EPM2A: variants seen among roughly 807,000 people sequenced by gnomAD.
EPM2A encodes EPM2A glucan phosphatase, laforin, also known as laforin.
A neutral mutation model predicts 26.5 loss-of-function variants in EPM2A; 21 were observed. The ratio of observed to expected loss-of-function variants is 0.79; its 90% CI spans 0.56 to 1.14. The LOEUF is 1.14. Ranked by LOEUF, EPM2A falls within the 50% of genes most tolerant of loss-of-function variation. The probability of loss-of-function intolerance (pLI) is 0.00; values close to 1 mark genes in which losing one functional copy is unlikely to be tolerated. For synonymous variants in EPM2A, 217 were observed against 177.6 expected, an observed-to-expected ratio of 1.22 and a Z score of -1.76; for missense variants, 458 against 440.8, an observed-to-expected ratio of 1.04 and a Z score of -0.35.
chr6:145,514,115 T>A (rs1351765118), intron 2 of EPM2A, among the ~76,000 whole-genome samples: 6 of 152,262 alleles, frequency 3.9e-5, no homozygotes, highest in Admixed American at 1.3e-4. Flanking sequence ...TCTTCCAGGA[T>A]TAGTCACATG....
chr6:145,516,811 G>A (rs1479822996), intron 2 of EPM2A, among the ~76,000 whole-genome samples: 1 of 152,138 alleles, frequency 6.6e-6, no homozygotes, highest in Non-Finnish European at 1.5e-5. Context: ...GTTAAAAATA[G>A]AACTACCATA....
At position 145,496,204 on chromosome 6, in the gene EPM2A, T is replaced by A. The variant is rs953056011; in HGVS notation, c.555+6318A>T. Among the ~76,000 whole-genome samples, 4 of 152,218 alleles carry A rather than the reference T, an allele frequency of 2.6e-5. 1 individual carries two copies. Among genetic ancestry groups the A allele is most frequent in the Non-Finnish European group, 5.9e-5 (4 of 68,036 alleles). On this transcript the variant is annotated intron_variant, in intron 4 of 4. Coordinates refer to the EPM2A transcript ENST00000638717. ...CTGATGGGCTTCCCTTTGTAGGTAA[T>A]CTGGCCTTTCTCTTAGTATGCCCTT...
chr6:145,416,306 G>A (rs1778707686), intron 4 of EPM2A, among the ~76,000 whole-genome samples: 1 of 149,640 alleles, frequency 6.7e-6, no homozygotes, highest in African/African-American at 2.5e-5. Context: ...TAACGTTTGT[G>A]ATTATCTTAA....
chr6:145,611,743 C>T (rs2051036), intron 2 of EPM2A, among the ~76,000 whole-genome samples: 2,453 of 152,094 alleles, frequency 0.016, 55 homozygotes, highest in African/African-American at 0.055. Flanking sequence ...AGAACTGCAG[C>T]TGTTTATATG....
intron 4 of EPM2A, among the ~76,000 whole-genome samples, chr6:145,419,988 T>G (rs965588454): frequency 6.6e-6 from 1 of 152,166 alleles, no homozygotes; most frequent in Non-Finnish European, 1.5e-5. Flanking sequence ...TTTTTTGCAT[T>G]GCTGGCTTCT....
chr6:145,626,488 G>T lies in EPM2A; in HGVS notation c.*928C>A. 1 of 985,784 alleles carries T rather than the reference G, an allele frequency of 1.0e-6. No homozygotes were observed. The highest frequency in any genetic ancestry group is 4.7e-5 in the South Asian group (1 of 21,274). The allele number at this position is 985,784 out of a possible 1,614,324, so 61.1% of individuals were successfully genotyped here. On this transcript the variant is annotated 3_prime_UTR_variant, in exon 4 of 4. Coordinates refer to ENST00000367519, the MANE Select transcript of EPM2A (RefSeq NM_005670.4). ...ATACAACTAATTTCCTAGATTCTTT[G>T]GCAACTGATCAGAATACTATTCTAT...
At chr6:145,554,889 G>A (rs1780706704) in intron 2 of EPM2A, among the ~76,000 whole-genome samples, 1 of 152,162 alleles carries the variant, frequency 6.6e-6, no homozygotes, top group Middle Eastern at 3.4e-3. Context: ...GTGCAGTTTG[G>A]GTTCCAAAGG....
chr6:145,568,717 A>T (rs2114822475), intron 2 of EPM2A, among the ~76,000 whole-genome samples: 1 of 152,172 alleles, frequency 6.6e-6, no homozygotes, highest in Non-Finnish European at 1.5e-5. Flanking sequence ...CTTTTCAAAC[A>T]TCAGAATGCC....
chr6:145,444,350 T>A (rs532454990), intron 4 of EPM2A, among the ~76,000 whole-genome samples: 1 of 152,382 alleles, frequency 6.6e-6, no homozygotes, highest in East Asian at 1.9e-4. Flanking sequence ...TGCATTGAGA[T>A]AATCAGGTGG....
rs534385231 is a variant in EPM2A, at chr6:145,493,313, G to A, written c.555+9209C>T. Among the ~76,000 whole-genome samples the A allele has an allele frequency of 3.3e-5, 5 of 152,310 alleles. No individual in the cohort carries two copies. The South Asian group carries it at 1.0e-3, about 32-fold the overall frequency. On this transcript the variant is annotated intron_variant, in intron 4 of 4. Transcript: ENST00000638717. The stretch of plus-strand genomic sequence containing the variant: ...TTAACTGTTGTTGGTGTATTGAAAG[G>A]TAGCAATTTTTACACATTGATTCTG...
rs9497348 is a variant in EPM2A, at chr6:145,566,905, G to A, written c.341-64330C>T. ...TGATGCCTGTGTCAAATTCATTCTC[G>A]TTTAGTAGTTCTATAAAAGGACAGC... On this transcript the variant is annotated intron_variant, in intron 2 of 3. Coordinates refer to the EPM2A transcript ENST00000450221. 8.6e-3 allele frequency among the ~76,000 whole-genome samples: 1,305 copies of A among 152,246 alleles called. 20 individuals are homozygous for A. Among genetic ancestry groups the A allele is most frequent in the African/African-American group, 0.03 (1,249 of 41,554 alleles).
At chr6:145,557,793 T>C (rs1780748816) in intron 2 of EPM2A, among the ~76,000 whole-genome samples, 1 of 152,120 alleles carries the variant, frequency 6.6e-6, no homozygotes, top group African/African-American at 2.4e-5. Flanking sequence ...AATATTTTGT[T>C]ATTAACTATA....
At chr6:145,423,782 C>T (rs79294515) in intron 4 of EPM2A, among the ~76,000 whole-genome samples, 2,196 of 152,238 alleles carry the variant, frequency 0.014, 38 homozygotes, top group South Asian at 0.066. Flanking sequence ...GGAAGAGCTC[C>T]GTAGTTCCTA....
At chr6:145,717,252 C>T (rs994573498) in intron 1 of EPM2A, among the ~76,000 whole-genome samples, 2 of 152,186 alleles carry the variant, frequency 1.3e-5, no homozygotes, top group Admixed American at 1.3e-4. Flanking sequence ...AGCAGCACAT[C>T]AAAAAGCTTA....
intron 2 of EPM2A, among the ~76,000 whole-genome samples, chr6:145,576,205 A>C (rs1781028964): frequency 6.6e-6 from 1 of 152,150 alleles, no homozygotes; most frequent in Non-Finnish European, 1.5e-5. Flanking sequence ...GGCTGGCTAA[A>C]ATTACAATTC....
chr6:145,571,559 C>T lies in EPM2A; in HGVS notation c.340+63686G>A, dbSNP rs148920854. On this transcript the variant is annotated intron_variant, in intron 2 of 3. Transcript: ENST00000450221. The stretch of plus-strand genomic sequence containing the variant: ...AAGTGTCCATTTCAGTGAGGACAAA[C>T]CTCTACCCTTTCCATTATGGAAGAG... 2.7e-3 allele frequency among the ~76,000 whole-genome samples: 406 copies of T among 152,322 alleles called. 6 individuals carry two copies. The highest frequency in any genetic ancestry group is 9.3e-3 in the African/African-American group (388 of 41,578).
intron 4 of EPM2A, among the ~76,000 whole-genome samples, chr6:145,452,262 T>C (rs1423666155): frequency 3.3e-5 from 5 of 152,112 alleles, no homozygotes; most frequent in Non-Finnish European, 5.9e-5. Flanking sequence ...AAAATCACGC[T>C]CTTTTTCTTT....
At chr6:145,585,060 T>C (rs914257394) in intron 2 of EPM2A, among the ~76,000 whole-genome samples, 1 of 152,240 alleles carries the variant, frequency 6.6e-6, no homozygotes, top group African/African-American at 2.4e-5. Flanking sequence ...ATTATATAGC[T>C]GATGATATAT....
At chr6:145,709,406 G>A (rs1782413144) in intron 1 of EPM2A, among the ~76,000 whole-genome samples, 1 of 152,124 alleles carries the variant, frequency 6.6e-6, no homozygotes, top group South Asian at 2.1e-4. Context: ...CTCTCATCCT[G>A]TTCTCGTGCT....
Sources: gnomAD v4.1 joint callset for allele counts (sites outside exome capture counted in the v4.1 genomes callset) on GRCh38, gnomAD v4.1.1 for gene constraint, MANE v1.5 for transcripts, NCBI Gene and HGNC (gene_info 2026-07-23, HGNC 2026-07-21) for gene names.